The following KIAA1328 variants were observed in gnomAD, a reference collection of about 807,000 sequenced individuals.
The protein encoded by KIAA1328 is protein hinderin.
A neutral mutation model predicts 68.1 loss-of-function variants in KIAA1328; 52 were observed. That is an observed-to-expected ratio of 0.76 (90% CI 0.61 to 0.96). KIAA1328 has a LOEUF of 0.96. KIAA1328 is among the 40% of genes least tolerant of loss of function. The pLI is 0.00. For missense variants in KIAA1328, 641 were observed against 677.6 expected (o/e 0.95, Z 0.60); for synonymous variants, 232 against 239.4 (o/e 0.97, Z 0.28).
chr18:36,848,413 T>C (rs1352354448), intron 4 of KIAA1328, among the ~76,000 whole-genome samples: 2 of 151,370 alleles, frequency 1.3e-5, no homozygotes, highest in Non-Finnish European at 3.0e-5. Flanking sequence ...ATTGGCTTGG[T>C]ATCCTTCAAC....
chr18:37,008,310 C>T (rs924680521), intron 6 of KIAA1328, among the ~76,000 whole-genome samples: 24 of 152,256 alleles, frequency 1.6e-4, no homozygotes, highest in African/African-American at 3.6e-4. Context: ...ATTGTAGCAA[C>T]GCTTTGAGAA....
At chr18:37,180,175 A>T (rs1351176333) in intron 9 of KIAA1328, among the ~76,000 whole-genome samples, 1 of 151,846 alleles carries the variant, frequency 6.6e-6, no homozygotes, top group Non-Finnish European at 1.5e-5. Flanking sequence ...TTAGCATAGT[A>T]CTTTAGCATT....
intron 9 of KIAA1328, among the ~76,000 whole-genome samples, chr18:37,215,584 A>T (rs1036805449): frequency 6.6e-5 from 10 of 152,178 alleles, no homozygotes; most frequent in Admixed American, 1.3e-4. Flanking sequence ...ATCGATGTTC[A>T]TCAGGGATAT....
chr18:36,888,172 G>T (rs1014346670), intron 5 of KIAA1328, among the ~76,000 whole-genome samples: 7 of 152,090 alleles, frequency 4.6e-5, no homozygotes, highest in African/African-American at 9.7e-5. Flanking sequence ...ATTTAACTCG[G>T]GGGGAGAACA....
At chr18:36,900,397 T>A (rs2048999009) in intron 5 of KIAA1328, among the ~76,000 whole-genome samples, 1 of 151,948 alleles carries the variant, frequency 6.6e-6, no homozygotes, top group Non-Finnish European at 1.5e-5. Context: ...CAATAATTTT[T>A]TTTGTATGTG....
chr18:37,150,374 A>G (rs1244261410), intron 7 of KIAA1328, among the ~76,000 whole-genome samples: 1 of 152,146 alleles, frequency 6.6e-6, no homozygotes, highest in East Asian at 1.9e-4. Context: ...GTGACAATCA[A>G]AAACCTCTGC....
chr18:37,209,826 A>G (rs1365863417), intron 9 of KIAA1328, among the ~76,000 whole-genome samples: 1 of 152,182 alleles, frequency 6.6e-6, no homozygotes, highest in Non-Finnish European at 1.5e-5. Flanking sequence ...GATATCAGGT[A>G]GCAGTTGGGA....
intron 6 of KIAA1328, among the ~76,000 whole-genome samples, chr18:37,064,400 T>C (rs2151724129): frequency 6.6e-6 from 1 of 152,284 alleles, no homozygotes. Flanking sequence ...GCGAAATAAA[T>C]TGGTGGGATT....
intron 5 of KIAA1328, among the ~76,000 whole-genome samples, chr18:36,943,597 T>C (rs2151194317): frequency 6.6e-6 from 1 of 152,342 alleles, no homozygotes; most frequent in South Asian, 2.1e-4. Context: ...GCTTTTAAGT[T>C]ATTTTTGAAC....
intron 7 of KIAA1328, among the ~76,000 whole-genome samples, chr18:37,136,126 G>A (rs760060474): frequency 1.3e-5 from 2 of 152,136 alleles, no homozygotes; most frequent in South Asian, 2.1e-4. Context: ...CACACTTTAA[G>A]AACCACTGCT....
At chr18:37,177,393 T>A (rs989391807) in intron 9 of KIAA1328, among the ~76,000 whole-genome samples, 1 of 152,196 alleles carries the variant, frequency 6.6e-6, no homozygotes, top group Admixed American at 6.5e-5. Context: ...CAGGATTAGA[T>A]TCTCAGTCCC....
chr18:37,214,831 C>G (rs2060394295), intron 9 of KIAA1328, among the ~76,000 whole-genome samples: 1 of 152,134 alleles, frequency 6.6e-6, no homozygotes, highest in Admixed American at 6.5e-5. Context: ...TTTCATTGAG[C>G]AGTGGTTTGT....
At chr18:36,948,267 T>G (rs2050985605) in intron 5 of KIAA1328, among the ~76,000 whole-genome samples, 1 of 144,758 alleles carries the variant, frequency 6.9e-6, no homozygotes, top group South Asian at 2.3e-4. Flanking sequence ...TTTTGTTTTT[T>G]TTTTTTTTTT....
At chr18:36,851,211 T>G (rs1409658818) in intron 4 of KIAA1328, among the ~76,000 whole-genome samples, 1 of 152,192 alleles carries the variant, frequency 6.6e-6, no homozygotes, top group Non-Finnish European at 1.5e-5. Context: ...TTTGGTTTGC[T>G]GGCATTTTGT....
At chr18:37,135,907 G>A (rs778770480) in intron 7 of KIAA1328, among the ~76,000 whole-genome samples, 1 of 152,076 alleles carries the variant, frequency 6.6e-6, no homozygotes, top group Non-Finnish European at 1.5e-5. Context: ...TATTGAACAG[G>A]AACTCCTGTC....
At chr18:37,072,966 A>G (rs1442125393) in intron 7 of KIAA1328, among the ~76,000 whole-genome samples, 2 of 152,222 alleles carry the variant, frequency 1.3e-5, no homozygotes, top group Non-Finnish European at 2.9e-5. Context: ...AGCCATATGC[A>G]GAAAACTGAA....
chr18:37,097,358 A>T (rs992919820), intron 7 of KIAA1328, among the ~76,000 whole-genome samples: 8 of 152,048 alleles, frequency 5.3e-5, no homozygotes, highest in Non-Finnish European at 1.2e-4. Flanking sequence ...TGTTTTTGTC[A>T]GGTTTGTCAA....
chr18:37,175,592 G>GT (rs1379500955), intron 9 of KIAA1328, among the ~76,000 whole-genome samples: 2 of 150,966 alleles, frequency 1.3e-5, no homozygotes, highest in Non-Finnish European at 3.0e-5. Flanking sequence ...GAATTGCAGA[G>GT]TTAAAAAAAA....
At chr18:36,936,405 T>C (rs907201121) in intron 5 of KIAA1328, among the ~76,000 whole-genome samples, 1 of 152,214 alleles carries the variant, frequency 6.6e-6, no homozygotes, top group Admixed American at 6.5e-5. Flanking sequence ...GTTAGTTTGC[T>C]GAGGATGATG....
Sources: gnomAD v4.1 joint callset for allele counts (sites outside exome capture counted in the v4.1 genomes callset) on GRCh38, gnomAD v4.1.1 for gene constraint, MANE v1.5 for transcripts, NCBI Gene and HGNC (gene_info 2026-07-23, HGNC 2026-07-21) for gene names.